ZMIZ2: variants seen among roughly 807,000 people sequenced by gnomAD.
The protein encoded by ZMIZ2 is zinc finger MIZ domain-containing protein 2.
A neutral mutation model predicts 93.9 loss-of-function variants in ZMIZ2; 26 were observed. The ratio of observed to expected loss-of-function variants is 0.28; its 90% CI spans 0.20 to 0.38. ZMIZ2 has a LOEUF of 0.38. ZMIZ2 is among the 10% of genes least tolerant of loss of function. ZMIZ2 has a pLI of 1.00. For missense variants in ZMIZ2, 1,023 were observed against 1,235.0 expected, an observed-to-expected ratio of 0.83 and a Z score of 2.57; for synonymous variants, 485 against 516.4, an observed-to-expected ratio of 0.94 and a Z score of 0.82.
intron 4 of ZMIZ2, 73 bp from the exon 5 acceptor site, chr7:44,757,305 G>T: frequency 6.5e-7 from 1 of 1,547,236 alleles, no homozygotes; most frequent in African/African-American, 1.4e-5. Flanking sequence ...GGTGCTGCAT[G>T]CCTCTGGGGT....
chr7:44,760,081 G>T, intron 7 of ZMIZ2, 70 bp from the exon 8 acceptor site: 1 of 1,554,450 alleles, frequency 6.4e-7, no homozygotes, highest in Non-Finnish European at 8.9e-7. Flanking sequence ...TGGGCTTCTA[G>T]GGTCAGGTCC....
In ZMIZ2 at chr7:44,767,714, G is replaced by A. The variant is rs1485094046; in HGVS notation, c.*91G>A. On this transcript the variant is annotated 3_prime_UTR_variant, in exon 19 of 19. Coordinates refer to ENST00000309315, the MANE Select transcript of ZMIZ2 (RefSeq NM_031449.4). ...GCCCAGCCCCATGGGACACCCGGTG[G>A]TCTTTCCCAAACCTCCCCCAAAACA... 5.7e-6 allele frequency: 7 copies of A among 1,219,204 alleles called. No homozygotes were observed. Among genetic ancestry groups the A allele is most frequent in the Non-Finnish European group, 7.1e-6 (6 of 841,658 alleles). 75.5% of individuals were successfully genotyped at this position (1,219,204 alleles called of 1,614,324 possible). A position where few individuals can be genotyped will look rare whatever the true frequency, so the allele number is the denominator to read the frequency against.
Position 44,763,020 on chromosome 7 carries a change from C to A in ZMIZ2, c.1702+34C>A. The A allele has an allele frequency of 6.3e-7, 1 of 1,585,754 alleles. No homozygotes were observed. The highest frequency in any genetic ancestry group is 8.6e-7 in the Non-Finnish European group (1 of 1,161,198). On this transcript the variant is annotated intron_variant, in intron 12 of 18. Transcript: ENST00000309315. The surrounding 1 kb of genome is among the most constrained non-coding windows in gnomAD (Gnocchi z 5.6). ...CTCCTGCCCCTCAGCTGCCAGGCAG[C>A]CATCCCCATTCTGTGTGGCCCAAGC...
At chr7:44,764,048 G>T (rs545921131) in intron 13 of ZMIZ2, among the ~76,000 whole-genome samples, 1 of 152,236 alleles carries the variant, frequency 6.6e-6, no homozygotes, top group Non-Finnish European at 1.5e-5. Flanking sequence ...TGAGGTAGGA[G>T]AATCGCTTGA....
rs1554321200 is a variant in ZMIZ2 at position 44,759,094 on chromosome 7, A to AAC, written c.814-186_814-185insCA. 8.8e-5 allele frequency among the ~76,000 whole-genome samples: 13 copies of AAC among 147,250 alleles called. No individual in the cohort carries two copies. In the East Asian group the frequency reaches 1.8e-3, roughly 20 times the overall value. On this transcript the variant is annotated intron_variant, in intron 6 of 18. Coordinates refer to ENST00000309315, the MANE Select transcript of ZMIZ2 (RefSeq NM_031449.4). The stretch of plus-strand genomic sequence containing the variant: ...GAGACTGTCTCAAATTAAAAAAAAA[A>AAC]AAAAAAAAAAAAACAGGCTTCTGCA...
At position 44,761,768 on chromosome 7, in the gene ZMIZ2, G is replaced by T; in HGVS notation, c.1459G>T (p.Val487Leu). The T allele has an allele frequency of 6.2e-7, 1 of 1,614,072 alleles. No individual in the cohort carries two copies. Among genetic ancestry groups the T allele is most frequent in the Non-Finnish European group, 8.5e-7 (1 of 1,180,036 alleles). Residue 487 changes from valine (V) to leucine (L), a missense_variant, in exon 11 of 19, where the codon GTG (valine) becomes TTG (leucine). Physicochemically the swap from Val to Leu is conservative, Grantham distance 32. Around this residue, in one of 3 missense-constraint regions of ZMIZ2, gnomAD observed 656 missense variants for 777.1 expected, o/e 0.84. Coordinates refer to ENST00000309315, the MANE Select transcript of ZMIZ2 (RefSeq NM_031449.4). The surrounding 1 kb of genome is among the most constrained non-coding windows in gnomAD (Gnocchi z 5.8). ...GATGAACACCAACTGGCCAGCCTCG[G>T]TGCAGGTCAGCGTCAATGCCACGCC... is the stretch of plus-strand genomic sequence containing the variant. ...RQMNTNWPAS[V>L]QVSVNATPLT...
chr7:44,758,077 C>A lies in ZMIZ2; in HGVS notation c.782C>A (p.Pro261His), dbSNP rs1197942514. Reference sequence around the variant, plus strand: ...GGGCCTCCCCAGGCCCAGCCACTGCCCCGACAGGGGGTCAAGAGAACCTAC... The same window carrying A: ...GGGCCTCCCCAGGCCCAGCCACTGCACCGACAGGGGGTCAAGAGAACCTAC... Reference protein sequence around the residue: ...YPGPPQAQPLPRQGVKRTYSE... With the variant: ...YPGPPQAQPLHRQGVKRTYSE... Residue 261 changes from proline to histidine, a missense_variant, in exon 6 of 19, where the codon CCC becomes CAC. Transcript: ENST00000309315. The A allele has an allele frequency of 6.3e-7, 1 of 1,586,674 alleles. No homozygotes were observed. Among genetic ancestry groups the A allele is most frequent in the Non-Finnish European group, 8.6e-7 (1 of 1,168,444 alleles).
Position 44,765,731 on chromosome 7 carries a change from C to T in ZMIZ2, c.2242+152C>T. The T allele has an allele frequency of 8.3e-7, 1 of 1,203,424 alleles. No individual in the cohort carries two copies. The highest frequency in any genetic ancestry group is 1.1e-6 in the Non-Finnish European group (1 of 880,770). The allele number at this position is 1,203,424 out of a possible 1,614,324, so 74.5% of individuals were successfully genotyped here. On this transcript the variant is annotated intron_variant, in intron 16 of 18. Transcript: ENST00000309315. This position sits in a 1 kb window ranked among gnomAD's most constrained non-coding sequence, Gnocchi z 4.1. ...ACACAAAACATGCCGCGGGGCACCT[C>T]CAGCCCCTCCCATCTCAGGGACGTG...
Position 44,759,109 on chromosome 7 carries a change from A to AC in ZMIZ2, c.814-172_814-171insC, listed in dbSNP as rs1790905561. ...TAAAAAAAAAAAAAAAAAAAAAAACAGGCTTCTGCATGTGAGAACTGCCTG... is the reference window on the plus strand; with the variant it reads ...TAAAAAAAAAAAAAAAAAAAAAAACACGGCTTCTGCATGTGAGAACTGCCTG... On this transcript the variant is annotated intron_variant, in intron 6 of 18. Coordinates refer to ENST00000309315, the MANE Select transcript of ZMIZ2 (RefSeq NM_031449.4). Among the ~76,000 whole-genome samples, 10 of 147,532 alleles carry AC rather than the reference A, an allele frequency of 6.8e-5. No homozygotes were observed. In the South Asian group the frequency reaches 2.1e-3, roughly 31 times the overall value.
In ZMIZ2 at chr7:44,748,948, G is replaced by T. The variant is rs1488475912; in HGVS notation, c.-106G>T. 1 of 148,424 alleles carries T rather than the reference G, an allele frequency of 6.7e-6. No homozygotes were observed. The highest frequency in any genetic ancestry group is 6.7e-5 in the Admixed American group (1 of 14,854). The allele number at this position is 148,424 out of a possible 1,614,324, so 9.2% of individuals were successfully genotyped here. A position where few individuals can be genotyped will look rare whatever the true frequency, so the allele number is the denominator to read the frequency against. On this transcript the variant is annotated 5_prime_UTR_variant, in exon 1 of 19. Transcript: ENST00000309315. ...GGGCTGAGCGCATGGAGCGGCGCGG[G>T]CCGGGGGCCGCCACGGCGAGGGGCC...
intron 9 of ZMIZ2, among the ~76,000 whole-genome samples, chr7:44,760,898 C>T (rs1410088783): frequency 3.3e-5 from 5 of 150,714 alleles, no homozygotes; most frequent in Non-Finnish European, 5.9e-5. Flanking sequence ...AAAGACAAGT[C>T]GCTTAGTGCC....
chr7:44,765,513 G>A lies in ZMIZ2; in HGVS notation c.2176G>A (p.Gly726Ser), dbSNP rs201947872. Residue 726 changes from glycine to serine, a missense_variant, in exon 16 of 19, where the codon GGC (glycine) becomes AGC (serine). By Grantham distance (56) the Gly-to-Ser change is moderately conservative. Around this residue, in one of 3 missense-constraint regions of ZMIZ2, gnomAD observed 319 missense variants for 358.8 expected, o/e 0.89. Coordinates refer to ENST00000309315, the MANE Select transcript of ZMIZ2 (RefSeq NM_031449.4). This position sits in a 1 kb window ranked among gnomAD's most constrained non-coding sequence, Gnocchi z 4.1. The stretch of plus-strand genomic sequence containing the variant: ...GGAGATGATCGCCGCCCTGGGCCCC[G>A]GCGCTGCCCCCTTTGCCCCCCTGCA... ...VMEMIAALGP[G>S]AAPFAPLQPP... is the part of the protein sequence containing the mutation. 1.9e-4 allele frequency: 298 copies of A among 1,595,676 alleles called. No individual in the cohort carries two copies. The highest frequency in any genetic ancestry group is 3.7e-4 in the Admixed American group (22 of 59,676).
In ZMIZ2 at chr7:44,761,419, C is replaced by T. The variant is rs756738982; in HGVS notation, c.1241-30C>T. The T allele has an allele frequency of 2.5e-6, 4 of 1,607,428 alleles. No homozygotes were observed. Among genetic ancestry groups the T allele is most frequent in the Non-Finnish European group, 3.4e-6 (4 of 1,178,648 alleles). ...ACAAGACGCTCTGGCTGGGGCAACC[C>T]AGCTCACAGCCAGTGGCCTCTGCTC... is the stretch of plus-strand genomic sequence containing the variant. On this transcript the variant is annotated intron_variant, in intron 9 of 18. Coordinates refer to ENST00000309315, the MANE Select transcript of ZMIZ2 (RefSeq NM_031449.4). This position sits in a 1 kb window ranked among gnomAD's most constrained non-coding sequence, Gnocchi z 5.8.
Position 44,761,052 on chromosome 7 carries a change from A to C in ZMIZ2, c.1241-397A>C, listed in dbSNP as rs1339974270. On this transcript the variant is annotated intron_variant, in intron 9 of 18. Transcript: ENST00000309315. This position sits in a 1 kb window ranked among gnomAD's most constrained non-coding sequence, Gnocchi z 5.8. The stretch of plus-strand genomic sequence containing the variant: ...CATTCCAGGGAGACCACAGCAGCAG[A>C]AGTTGGGATCGTAGAACTCTAAACA... Among the ~76,000 whole-genome samples the C allele has an allele frequency of 6.6e-6, 1 of 152,132 alleles. No homozygotes were observed. Among genetic ancestry groups the C allele is most frequent in the Non-Finnish European group, 1.5e-5 (1 of 68,020 alleles).
chr7:44,756,279 C>G lies in ZMIZ2; in HGVS notation c.30C>G (p.Ala10=), dbSNP rs751705037. The change falls in exon 2 of 19, where the codon GCC becomes GCG. Residue 10 remains alanine (A), a synonymous_variant. Coordinates refer to ENST00000309315, the MANE Select transcript of ZMIZ2 (RefSeq NM_031449.4). ...ACTCCATGAACCCCATGAAACCTGC[C>G]CTGCCCCCTGCGCCACACGGGTGAG... is the stretch of plus-strand genomic sequence containing the variant. MNSMNPMKP[A]LPPAPHGDGS... 4 of 1,613,938 alleles carry G rather than the reference C, an allele frequency of 2.5e-6. No homozygotes were observed. Among genetic ancestry groups the G allele is most frequent in the Admixed American group, 3.3e-5 (2 of 60,006 alleles).
chr7:44,762,597 A>C (rs1193046789), intron 11 of ZMIZ2, among the ~76,000 whole-genome samples: 1 of 152,216 alleles, frequency 6.6e-6, no homozygotes, highest in Non-Finnish European at 1.5e-5. Context: ...CTCTTCATGG[A>C]GAAGTGGTGA....
intron 1 of ZMIZ2, among the ~76,000 whole-genome samples, chr7:44,752,844 A>G (rs1372405456): frequency 1.3e-5 from 2 of 152,226 alleles, no homozygotes; most frequent in Non-Finnish European, 2.9e-5. Flanking sequence ...TGTGAACATA[A>G]GTTTTCATTT....
Position 44,750,609 on chromosome 7 carries a change from A to T in ZMIZ2, c.-63+1618A>T, listed in dbSNP as rs530187954. Among the ~76,000 whole-genome samples the T allele has an allele frequency of 5.3e-5, 8 of 152,268 alleles. No homozygotes were observed. The East Asian group carries it at 1.5e-3, about 29-fold the overall frequency. ...CTGACTAGGCAGGCAGAGAGGTGGC[A>T]TGGAACAAGGCTCAGGAGGTCAACC... is the stretch of plus-strand genomic sequence containing the variant. On this transcript the variant is annotated intron_variant, in intron 1 of 18. Coordinates refer to ENST00000309315, the MANE Select transcript of ZMIZ2 (RefSeq NM_031449.4).
Position 44,764,458 on chromosome 7 carries a change from C to T in ZMIZ2, c.1900C>T (p.Arg634Trp). Residue 634 changes from arginine to tryptophan, a missense_variant, in exon 14 of 19, where the codon CGG becomes TGG. By Grantham distance (101) the Arg-to-Trp change is moderately radical (BLOSUM62 -3). Transcript: ENST00000309315. ...LESYLQLNCERGTWRCPVCNK... is the reference protein window; with the variant it reads ...LESYLQLNCEWGTWRCPVCNK... ...GTCGTACCTGCAGCTCAACTGTGAG[C>T]GGGGGACTTGGAGGTGTCCTGTGTG... 6.2e-7 allele frequency: 1 copy of T among 1,614,134 alleles called. No homozygotes were observed. Among genetic ancestry groups the T allele is most frequent in the Non-Finnish European group, 8.5e-7 (1 of 1,180,004 alleles).
Sources: gnomAD v4.1 joint callset for allele counts (sites outside exome capture counted in the v4.1 genomes callset) on GRCh38, gnomAD v4.1.1 for gene constraint, gnomAD v4.1.1 regional missense constraint, Gnocchi (gnomAD v3.1) non-coding constraint, MANE v1.5 for transcripts, NCBI Gene and HGNC (gene_info 2026-07-23, HGNC 2026-07-21) for gene names.